Variants in GOLM1 observed in about 807,000 individuals in gnomAD.
GOLM1 encodes the protein golgi membrane protein 1.
GOLM1 carries 31 observed loss-of-function variants against 50.5 expected under a neutral mutation model. The ratio of observed to expected loss-of-function variants is 0.61; its 90% CI spans 0.46 to 0.83. The LOEUF is 0.83. Among genes scored for constraint, GOLM1 ranks in the 40% least tolerant of loss-of-function variants. GOLM1 has a pLI of 0.00. For missense variants in GOLM1, 491 were observed against 501.3 expected (o/e 0.98, Z 0.20); for synonymous variants, 178 against 192.8 (o/e 0.92, Z 0.64).
intron 1 of GOLM1, among the ~76,000 whole-genome samples, chr9:86,082,873 ATTTAT>A (rs1050020223): frequency 9.8e-4 from 150 of 152,368 alleles, no homozygotes; most frequent in African/African-American, 3.5e-3. Context: ...GCATCAATAT[ATTTAT>A]TTTAATCCAA....
At chr9:86,046,423 G>A (rs369300245) in intron 5 of GOLM1, 47 bp downstream of exon 5, 303 of 1,118,306 alleles carry the variant, frequency 2.7e-4, no homozygotes, top group Non-Finnish European at 3.9e-4. Flanking sequence ...CCGCCTCCCA[G>A]GTGCCGTGCA....
At chr9:86,078,958 G>T (rs1348758873) in intron 2 of GOLM1, among the ~76,000 whole-genome samples, 1 of 152,026 alleles carries the variant, frequency 6.6e-6, no homozygotes, top group Non-Finnish European at 1.5e-5. Flanking sequence ...GGCAGGGAGG[G>T]ATACCACAAC....
At chr9:86,090,786 C>CAAAAAAAA (rs776381865) in intron 1 of GOLM1, among the ~76,000 whole-genome samples, 1 of 41,298 alleles carries the variant, frequency 2.4e-5, no homozygotes, top group Non-Finnish European at 5.0e-5. Context: ...ACTGGGGTAC[C>CAAAAAAAA]AAAAAAAAAA....
At chr9:86,053,350 C>T (rs1026529729) in intron 3 of GOLM1, among the ~76,000 whole-genome samples, 5 of 131,142 alleles carry the variant, frequency 3.8e-5, no homozygotes, top group South Asian at 3.1e-4. Flanking sequence ...CGCCACAACT[C>T]CACACCACGT....
chr9:86,054,515 CG>C (rs1216655375), intron 3 of GOLM1, among the ~76,000 whole-genome samples: 1 of 152,128 alleles, frequency 6.6e-6, no homozygotes, highest in Non-Finnish European at 1.5e-5. Flanking sequence ...TGAGCCACTG[CG>C]CCCGGCCTCA....
At chr9:86,088,447 T>TATATATATAC in intron 1 of GOLM1, among the ~76,000 whole-genome samples, 1 of 130,784 alleles carries the variant, frequency 7.6e-6, no homozygotes, top group East Asian at 3.3e-4. Flanking sequence ...TATATATATA[T>TATATATATAC]ATATATATAT....
chr9:86,098,007 A>G (rs1036145632), intron 1 of GOLM1, among the ~76,000 whole-genome samples: 2 of 152,060 alleles, frequency 1.3e-5, no homozygotes, highest in African/African-American at 4.8e-5. Flanking sequence ...AGTCACCACA[A>G]TTTCCTGGCC....
intron 3 of GOLM1, among the ~76,000 whole-genome samples, chr9:86,056,409 G>A (rs1218667312): frequency 6.6e-6 from 1 of 151,114 alleles, no homozygotes; most frequent in Admixed American, 6.6e-5. Context: ...GGGAAACTAC[G>A]AAAATGCTTC....
At chr9:86,090,786 C>CA (rs776381865) in intron 1 of GOLM1, among the ~76,000 whole-genome samples, 621 of 41,278 alleles carry the variant, frequency 0.015, 19 homozygotes, top group Middle Eastern at 0.071. Context: ...ACTGGGGTAC[C>CA]AAAAAAAAAA....
At chr9:86,039,296 A>T (rs906480227) in intron 6 of GOLM1, among the ~76,000 whole-genome samples, 1 of 152,208 alleles carries the variant, frequency 6.6e-6, no homozygotes, top group Non-Finnish European at 1.5e-5. Flanking sequence ...TGAAAAAGGT[A>T]GTATCAAGAG....
intron 1 of GOLM1, among the ~76,000 whole-genome samples, chr9:86,093,236 G>A (rs1835238468): frequency 6.6e-6 from 1 of 152,106 alleles, no homozygotes; most frequent in Non-Finnish European, 1.5e-5. Context: ...AATTAGCTGG[G>A]CATGGTGGTG....
chr9:86,027,331 A>AG lies in GOLM1; in HGVS notation c.*485dup. On this transcript the variant is annotated 3_prime_UTR_variant, in exon 10 of 10. Transcript: ENST00000388712. ...TGATTGATTGATTGTCAGAATCAGA[A>AG]GTGACTACACAAGAGCATTAGCCAG... 1.0e-6 allele frequency: 1 copy of AG among 986,660 alleles called. No individual in the cohort carries two copies. 61.1% of individuals were successfully genotyped at this position (986,660 alleles called of 1,614,324 possible).
intron 3 of GOLM1, among the ~76,000 whole-genome samples, chr9:86,066,047 TA>T (rs1834298502): frequency 6.6e-6 from 1 of 151,968 alleles, no homozygotes; most frequent in African/African-American, 2.4e-5. Context: ...CTCCAGAAAA[TA>T]AATAAATATG....
Position 86,081,171 on chromosome 9 carries a change from A to G in GOLM1, c.-21-1830T>C, listed in dbSNP as rs561220053. On this transcript the variant is annotated intron_variant, in intron 1 of 9. Coordinates refer to ENST00000388712, the MANE Select transcript of GOLM1 (RefSeq NM_016548.4). ...TCAAAGTACTGGGATTACAGGTATG[A>G]GCCAGTGCACCCAGCCTCAATGATT... 3.3e-5 allele frequency among the ~76,000 whole-genome samples: 5 copies of G among 150,398 alleles called. No homozygotes were observed. In the South Asian group the frequency reaches 1.1e-3, roughly 32 times the overall value.
intron 8 of GOLM1, among the ~76,000 whole-genome samples, chr9:86,034,384 C>T (rs950316443): frequency 6.6e-6 from 1 of 152,184 alleles, no homozygotes; most frequent in African/African-American, 2.4e-5. Flanking sequence ...CAAATGAGGT[C>T]ACCACACCTG....
intron 4 of GOLM1, among the ~76,000 whole-genome samples, chr9:86,050,918 T>A (rs1833726269): frequency 6.6e-6 from 1 of 152,206 alleles, no homozygotes; most frequent in Non-Finnish European, 1.5e-5. Flanking sequence ...TTTGAATGTG[T>A]TTGCTCTTGC....
At chr9:86,077,387 TGA>T in intron 3 of GOLM1, 23 bp downstream of exon 3, 2 of 1,594,000 alleles carry the variant, frequency 1.3e-6, no homozygotes, top group South Asian at 1.1e-5. Flanking sequence ...AGAAAAGAAC[TGA>T]GAGGAAACAA....
chr9:86,046,877 G>A (rs953512052), intron 4 of GOLM1, among the ~76,000 whole-genome samples: 2 of 152,116 alleles, frequency 1.3e-5, no homozygotes, highest in African/African-American at 4.8e-5. Context: ...GCTTCTGTGT[G>A]CCTGTCTCTT....
chr9:86,070,743 C>T (rs141326502), intron 3 of GOLM1, among the ~76,000 whole-genome samples: 4 of 152,060 alleles, frequency 2.6e-5, no homozygotes, highest in Admixed American at 6.5e-5. Context: ...ACCACGAACT[C>T]GAACTTTTAC....
Sources: allele counts gnomAD v4.1 joint callset (sites outside exome capture counted in the v4.1 genomes callset), GRCh38; gene constraint gnomAD v4.1.1; transcripts MANE v1.5; gene names NCBI Gene and HGNC (gene_info 2026-07-23, HGNC 2026-07-21).